SLFN14: variants seen among roughly 807,000 people sequenced by gnomAD.
The protein encoded by SLFN14 is schlafen family member 14.
SLFN14 carries 47 observed loss-of-function variants against 58.6 expected under a neutral mutation model. The observed-to-expected ratio is 0.80, with a 90% confidence interval of 0.64 to 1.02. SLFN14 has a LOEUF of 1.02. SLFN14 is among the 50% of genes least tolerant of loss of function. The pLI is 0.00. For missense variants in SLFN14, 967 were observed against 1,078.4 expected, an observed-to-expected ratio of 0.90 and a Z score of 1.45; for synonymous variants, 390 against 387.3, an observed-to-expected ratio of 1.01 and a Z score of -0.08.
In SLFN14 at chr17:35,553,223, T is replaced by C; in HGVS notation, c.1411A>G (p.Thr471Ala). ...IAVNSPVVLY[T>A]ILIDPNWPGG... is the part of the protein sequence containing the mutation. ...GGCCAATTGGGGTCTATTAAGATTG[T>C]ATAGAGTACCACGGGGCTGTTAACT... Residue 471 changes from threonine to alanine, a missense_variant, in exon 5 of 6, where the codon ACA becomes GCA. Physicochemically the swap from Thr to Ala is moderately conservative, Grantham distance 58. Coordinates refer to ENST00000674182, the MANE Select transcript of SLFN14 (RefSeq NM_001129820.2). 1 of 1,551,656 alleles carries C rather than the reference T, an allele frequency of 6.4e-7. No individual in the cohort carries two copies. The highest frequency in any genetic ancestry group is 8.7e-7 in the Non-Finnish European group (1 of 1,146,982).
chr17:35,556,657 T>A (rs1256700361), intron 3 of SLFN14, among the ~76,000 whole-genome samples: 3 of 152,124 alleles, frequency 2.0e-5, no homozygotes, highest in African/African-American at 7.2e-5. Context: ...TGGTGGTGTG[T>A]GCCTGTAATC....
At position 35,548,938 on chromosome 17, in the gene SLFN14, G is replaced by A. The variant is rs2072559251; in HGVS notation, c.2040C>T (p.Asn680=). ...KYGNWYMKAK[N]ITHPKAKGTG... ...TCCCCTTCGCCTTTGGATGGGTGAT[G>A]TTCTTAGCCTTCATGTACCAATTGC... is the stretch of plus-strand genomic sequence containing the variant. The change falls in exon 6 of 6, where the codon AAC becomes AAT. Residue 680 remains asparagine (N), a synonymous_variant. Transcript: ENST00000674182. 6.4e-7 allele frequency: 1 copy of A among 1,551,580 alleles called. No individual in the cohort carries two copies. The highest frequency in any genetic ancestry group is 2.0e-5 in the Admixed American group (1 of 50,984).
At position 35,546,894 on chromosome 17, in the gene SLFN14, G is replaced by C. The variant is rs1009259582; in HGVS notation, c.*1345C>G. 1.3e-5 allele frequency among the ~76,000 whole-genome samples: 2 copies of C among 152,200 alleles called. No homozygotes were observed. Among genetic ancestry groups the C allele is most frequent in the Non-Finnish European group, 2.9e-5 (2 of 68,044 alleles). On this transcript the variant is annotated 3_prime_UTR_variant, in exon 6 of 6. Transcript: ENST00000674182. Reference sequence around the variant, plus strand: ...GACCAGGAGTCGGGGATGTGTGTGGGTGGTGTTGGTGGTAAAGTTGCCACC... The same window carrying C: ...GACCAGGAGTCGGGGATGTGTGTGGCTGGTGTTGGTGGTAAAGTTGCCACC...
intron 4 of SLFN14, among the ~76,000 whole-genome samples, chr17:35,554,008 G>C (rs976435628): frequency 1.3e-5 from 2 of 152,110 alleles, no homozygotes; most frequent in African/African-American, 4.8e-5. Flanking sequence ...TAGGAATGCT[G>C]CTAAGTATTC....
rs1278594459 is a variant in SLFN14 at position 35,545,093 on chromosome 17, A to C, written c.*3146T>G. Reference sequence around the variant, plus strand: ...ATCTTACATTTGAATCTAATGAACTATCATCATAGATCCTTAATTTGACCT... The same window carrying C: ...ATCTTACATTTGAATCTAATGAACTCTCATCATAGATCCTTAATTTGACCT... On this transcript the variant is annotated 3_prime_UTR_variant, in exon 6 of 6. Transcript: ENST00000674182. Among the ~76,000 whole-genome samples the C allele has an allele frequency of 6.6e-6, 1 of 152,214 alleles. No individual in the cohort carries two copies. The highest frequency in any genetic ancestry group is 1.5e-5 in the Non-Finnish European group (1 of 68,040).
chr17:35,549,879 A>C (rs2072569256), intron 5 of SLFN14, among the ~76,000 whole-genome samples: 2 of 152,200 alleles, frequency 1.3e-5, no homozygotes, highest in Non-Finnish European at 2.9e-5. Context: ...ACTGATTCTT[A>C]GCCATCTTTG....
At chr17:35,556,852 AAATGTTAGAT>A (rs1323472113) in intron 3 of SLFN14, 141 bp downstream of exon 3, 1 of 772,368 alleles carries the variant, frequency 1.3e-6, no homozygotes, top group Non-Finnish European at 2.0e-6. Context: ...TTGGAACTAA[AAATGTTAGAT>A]AAGGAACACT....
chr17:35,549,294 G>C (rs2072563129), intron 5 of SLFN14, among the ~76,000 whole-genome samples: 1 of 152,238 alleles, frequency 6.6e-6, no homozygotes, highest in Non-Finnish European at 1.5e-5. Context: ...AAACCTGCAT[G>C]TGAAACTTCT....
intron 2 of SLFN14, among the ~76,000 whole-genome samples, chr17:35,559,147 G>A (rs775428529): frequency 2.6e-5 from 4 of 152,044 alleles, no homozygotes; most frequent in Non-Finnish European, 5.9e-5. Flanking sequence ...GATCTCTTGA[G>A]CCCAGGAGTT....
intron 3 of SLFN14, 46 bp from the exon 4 acceptor site, chr17:35,554,750 T>TA (rs10578465): frequency 0.014 from 14,438 of 1,044,024 alleles, 22 homozygotes; most frequent in Non-Finnish European, 0.015. Context: ...AATAAAAAGT[T>TA]AAAAAAAAAA....
Position 35,552,786 on chromosome 17 carries a change from G to A in SLFN14, c.1848C>T (p.Cys616=). ...AAACATAGAGGATCTCTTTTGGTTT[G>A]CAGTGAAACAAGTCCTTAATTTTCT... ...IMEKIKDLFH[C]KPKEILYVCE... The change falls in exon 5 of 6, where the codon TGC becomes TGT. Residue 616 remains cysteine (C), a synonymous_variant. Transcript: ENST00000674182. The A allele has an allele frequency of 6.5e-7, 1 of 1,540,846 alleles. No homozygotes were observed. The highest frequency in any genetic ancestry group is 1.2e-5 in the South Asian group (1 of 83,930).
intron 3 of SLFN14, among the ~76,000 whole-genome samples, chr17:35,555,797 C>A (rs1210140505): frequency 2.0e-5 from 3 of 152,058 alleles, no homozygotes; most frequent in Non-Finnish European, 4.4e-5. Context: ...TAGGAATCAC[C>A]AAGGCTGATT....
chr17:35,548,224 T>C lies in SLFN14; in HGVS notation c.*15A>G. The C allele has an allele frequency of 6.5e-7, 1 of 1,548,020 alleles. No individual in the cohort carries two copies. Among genetic ancestry groups the C allele is most frequent in the African/African-American group, 1.4e-5 (1 of 72,930 alleles). On this transcript the variant is annotated 3_prime_UTR_variant, in exon 6 of 6. Transcript: ENST00000674182. ...CTCTGCTCTTCCTGTCTTCCTCTAT[T>C]ATTTGTAATAATTTTCAGTAGGCTG...
In SLFN14 at chr17:35,557,631, G is replaced by C. The variant is rs1193493173; in HGVS notation, c.432C>G (p.Ser144Arg). ...TCTCTCTGAGAAGCTCCAGGGCACT[G>C]CTAGCACTCAAGTTGATAGCAGAAG... ...DVTSAINLSA[S>R]SALELLREKG... The change falls in exon 3 of 6, where the codon AGC becomes AGG. Residue 144 changes from serine to arginine, a missense_variant. Physicochemically the swap from Ser to Arg is moderately radical, Grantham distance 110. Coordinates refer to ENST00000674182, the MANE Select transcript of SLFN14 (RefSeq NM_001129820.2). The C allele has an allele frequency of 6.4e-7, 1 of 1,551,700 alleles. No individual in the cohort carries two copies. Among genetic ancestry groups the C allele is most frequent in the Non-Finnish European group, 8.7e-7 (1 of 1,146,994 alleles).
At chr17:35,552,663 C>CACATATAT (rs1555547587) in intron 5 of SLFN14, 67 bp downstream of exon 5, 1 of 560,274 alleles carries the variant, frequency 1.8e-6, no homozygotes, top group Non-Finnish European at 2.8e-6. Flanking sequence ...TATATATACA[C>CACATATAT]ATATATATAC....
rs1465316816 is a variant in SLFN14 at position 35,557,967 on chromosome 17, C to G, written c.96G>C (p.Met32Ile). The change falls in exon 3 of 6, where the codon ATG becomes ATC. Residue 32 changes from methionine (M) to isoleucine (I), a missense_variant. Physicochemically the swap from Met to Ile is conservative, Grantham distance 10 (BLOSUM62 1). Transcript: ENST00000674182. Reference sequence around the variant, plus strand: ...CAGATCTTTTCAAACAGCTGTTGGTCATCTTCTTCCTGTTTTCTTCTCCAA... The same window carrying G: ...CAGATCTTTTCAAACAGCTGTTGGTGATCTTCTTCCTGTTTTCTTCTCCAA... ...VIFGEENRKK[M>I]TNSCLKRSEN... is the part of the protein sequence containing the mutation. 6.4e-7 allele frequency: 1 copy of G among 1,551,626 alleles called. No homozygotes were observed. Among genetic ancestry groups the G allele is most frequent in the Non-Finnish European group, 8.7e-7 (1 of 1,146,994 alleles).
In SLFN14 at chr17:35,558,116, G is replaced by A; in HGVS notation, c.-44-10C>T. 7.1e-7 allele frequency: 1 copy of A among 1,403,438 alleles called. No individual in the cohort carries two copies. 86.9% of individuals were successfully genotyped at this position (1,403,438 alleles called of 1,614,324 possible). ...TAAAAGAAAGGAGTTCCTATAATCA[G>A]GACAGAAATATTGTTTCTATATTAA... On this transcript the variant is annotated splice_polypyrimidine_tract_variant and intron_variant, in intron 2 of 5. Coordinates refer to ENST00000674182, the MANE Select transcript of SLFN14 (RefSeq NM_001129820.2).
rs1381316634 is a variant in SLFN14 at position 35,546,942 on chromosome 17, A to AGTT, written c.*1294_*1296dup. On this transcript the variant is annotated 3_prime_UTR_variant, in exon 6 of 6. Transcript: ENST00000674182. ...ACCAAGGATCCCCATAAACTCTGAG[A>AGTT]GTTGGATTTAAAAATTAGCACCAAG... 6.6e-6 allele frequency among the ~76,000 whole-genome samples: 1 copy of AGTT among 152,184 alleles called. No individual in the cohort carries two copies. The highest frequency in any genetic ancestry group is 1.5e-5 in the Non-Finnish European group (1 of 68,030).
At chr17:35,552,645 TATAC>T (rs2072603986) in intron 5 of SLFN14, 81 bp downstream of exon 5, 36 of 469,498 alleles carry the variant, frequency 7.7e-5, no homozygotes, top group East Asian at 3.2e-4. Flanking sequence ...TACATATATA[TATAC>T]ACATATATAT....
Sources: gnomAD v4.1 joint callset for allele counts (sites outside exome capture counted in the v4.1 genomes callset) on GRCh38, gnomAD v4.1.1 for gene constraint, MANE v1.5 for transcripts, NCBI Gene and HGNC (gene_info 2026-07-23, HGNC 2026-07-21) for gene names.